Variants in RGS6 observed in about 807,000 individuals in gnomAD.
RGS6 encodes regulator of G protein signaling 6.
A neutral mutation model predicts 78.5 loss-of-function variants in RGS6; 30 were observed. That is an observed-to-expected ratio of 0.38 (90% confidence interval 0.29 to 0.52). The LOEUF is 0.52. Among genes scored for constraint, RGS6 ranks in the 20% least tolerant of loss-of-function variants. The pLI, the probability that RGS6 is intolerant of heterozygous loss-of-function variation, is 0.85. For missense variants in RGS6, 495 were observed against 609.7 expected, an observed-to-expected ratio of 0.81 and a Z score of 1.98; for synonymous variants, 206 against 206.0, an observed-to-expected ratio of 1.00 and a Z score of 0.00.
chr14:72,442,166 A>T (rs1396257132), intron 3 of RGS6, among the ~76,000 whole-genome samples: 2 of 152,062 alleles, frequency 1.3e-5, no homozygotes, highest in African/African-American at 4.8e-5. Flanking sequence ...GGTGTCTGGC[A>T]TAGTGCTTTG....
chr14:72,613,206 A>G, the RGS6 span, among the ~76,000 whole-genome samples: 4,509 of 152,214 alleles, frequency 0.03, 213 homozygotes, highest in African/African-American at 0.1. Flanking sequence ...GAGGGAATAT[A>G]TAGGCCCCAG....
chr14:71,985,215 C>T (rs2094646298), intron 2 of RGS6, among the ~76,000 whole-genome samples: 1 of 151,922 alleles, frequency 6.6e-6, no homozygotes, highest in South Asian at 2.1e-4. Context: ...CCGCCGCCTC[C>T]TAAGTTCAAG....
chr14:72,225,358 T>C (rs940866021), intron 2 of RGS6, among the ~76,000 whole-genome samples: 2 of 152,226 alleles, frequency 1.3e-5, no homozygotes, highest in African/African-American at 4.8e-5. Context: ...GGCCTCATGC[T>C]GTCACCCAGG....
chr14:71,872,695 C>G, the RGS6 span, among the ~76,000 whole-genome samples: 1 of 152,038 alleles, frequency 6.6e-6, no homozygotes, highest in Non-Finnish European at 1.5e-5. Flanking sequence ...GCACAACATG[C>G]AGGTTTGTTA....
chr14:72,396,859 G>A (rs995677301), intron 3 of RGS6, among the ~76,000 whole-genome samples: 3 of 152,142 alleles, frequency 2.0e-5, no homozygotes, highest in Non-Finnish European at 2.9e-5. Flanking sequence ...AGTTGTAGAT[G>A]TGCGGCATTA....
chr14:72,479,609 C>G (rs552933147), intron 12 of RGS6, among the ~76,000 whole-genome samples: 98 of 152,326 alleles, frequency 6.4e-4, no homozygotes, highest in African/African-American at 2.2e-3. Flanking sequence ...CTGGCTGGAG[C>G]TCAGCTTACA....
At chr14:72,031,617 C>T (rs1295253862) in intron 2 of RGS6, among the ~76,000 whole-genome samples, 1 of 152,212 alleles carries the variant, frequency 6.6e-6, no homozygotes, top group Non-Finnish European at 1.5e-5. Flanking sequence ...TCCATCCATG[C>T]ACAGGCACTC....
chr14:72,306,417 T>C lies in RGS6; in HGVS notation c.85-45678T>C, dbSNP rs145135627. 9.7e-3 allele frequency among the ~76,000 whole-genome samples: 1,470 copies of C among 152,316 alleles called. 6 individuals carry two copies. The highest frequency in any genetic ancestry group is 0.015 in the Non-Finnish European group (1,012 of 68,024). ...ATTTTGATTTCCAAGTCTTATTATT[T>C]AAGAAATATACTTTGTGAGGCTATA... On this transcript the variant is annotated intron_variant, in intron 2 of 17. Coordinates refer to ENST00000553525, the MANE Select transcript of RGS6 (RefSeq NM_001204424.2).
chr14:72,039,732 C>A (rs2092173805), intron 2 of RGS6, among the ~76,000 whole-genome samples: 1 of 150,804 alleles, frequency 6.6e-6, no homozygotes, highest in Non-Finnish European at 1.5e-5. Flanking sequence ...ATTTTGTTAA[C>A]TGTATTCTGT....
At chr14:72,544,520 G>A (rs1280936995) in intron 17 of RGS6, among the ~76,000 whole-genome samples, 1 of 152,202 alleles carries the variant, frequency 6.6e-6, no homozygotes. Context: ...AGGGAGAGGA[G>A]GACCAGGCGT....
At chr14:72,056,645 A>AT (rs2093634912) in intron 2 of RGS6, among the ~76,000 whole-genome samples, 2 of 152,330 alleles carry the variant, frequency 1.3e-5, no homozygotes, top group South Asian at 4.1e-4. Flanking sequence ...TTCTGTGCAC[A>AT]TTTAGAAAAT....
At chr14:72,280,575 G>T (rs999345375) in intron 2 of RGS6, among the ~76,000 whole-genome samples, 11 of 152,210 alleles carry the variant, frequency 7.2e-5, no homozygotes, top group Admixed American at 3.9e-4. Context: ...CTAACCTTAT[G>T]CTAGGCACTA....
chr14:72,615,471 G>C, the RGS6 span, among the ~76,000 whole-genome samples: 2 of 152,212 alleles, frequency 1.3e-5, no homozygotes, highest in Non-Finnish European at 2.9e-5. Flanking sequence ...TTCAAAGCAC[G>C]AATACAAAAA....
At chr14:72,053,464 G>GA (rs2093452047) in intron 2 of RGS6, among the ~76,000 whole-genome samples, 1 of 152,024 alleles carries the variant, frequency 6.6e-6, no homozygotes, top group Admixed American at 6.6e-5. Flanking sequence ...TCTTGCATCA[G>GA]AATGTCCTGA....
At chr14:72,495,120 G>A (rs557553036) in intron 12 of RGS6, 32 bp from the exon 13 acceptor site, 1 of 1,216,538 alleles carries the variant, frequency 8.2e-7, no homozygotes, top group African/African-American at 1.5e-5. Flanking sequence ...AAGGAAATCA[G>A]TGGCATTCTT....
intron 2 of RGS6, among the ~76,000 whole-genome samples, chr14:72,277,992 C>T (rs1011100861): frequency 1.3e-5 from 2 of 152,062 alleles, no homozygotes; most frequent in African/African-American, 2.4e-5. Context: ...AATATCCTAG[C>T]TATGTGGCCC....
At chr14:72,111,183 G>C (rs2095753723) in intron 2 of RGS6, among the ~76,000 whole-genome samples, 1 of 152,158 alleles carries the variant, frequency 6.6e-6, no homozygotes, top group African/African-American at 2.4e-5. Flanking sequence ...AGTTCATGGA[G>C]TAACATTTTC....
intron 2 of RGS6, among the ~76,000 whole-genome samples, chr14:72,119,680 AAG>A (rs1016777678): frequency 6.6e-6 from 1 of 152,178 alleles, no homozygotes; most frequent in African/African-American, 2.4e-5. Flanking sequence ...GAAAGAAGGA[AAG>A]AGAGAGAGAA....
chr14:72,283,910 A>T (rs1362466895), intron 2 of RGS6, among the ~76,000 whole-genome samples: 1 of 152,222 alleles, frequency 6.6e-6, no homozygotes, highest in East Asian at 1.9e-4. Flanking sequence ...GATATGAAAA[A>T]TGAAGTCCAG....
Sources: gnomAD v4.1 joint callset for allele counts (sites outside exome capture counted in the v4.1 genomes callset) on GRCh38, gnomAD v4.1.1 for gene constraint, MANE v1.5 for transcripts, NCBI Gene and HGNC (gene_info 2026-07-23, HGNC 2026-07-21) for gene names.